Variants in PICALM observed in about 807,000 individuals in gnomAD.
PICALM encodes phosphatidylinositol-binding clathrin assembly protein.
Under a neutral mutation model 80.5 loss-of-function variants are expected in PICALM, and 40 were observed. The ratio of observed to expected loss-of-function variants is 0.50; its 90% confidence interval spans 0.39 to 0.65. The LOEUF is 0.65. Ranked by LOEUF, PICALM falls within the 30% of genes least tolerant of loss-of-function variation. The pLI, the probability that PICALM is intolerant of heterozygous loss-of-function variation, is 0.00. For synonymous variants in PICALM, 288 were observed against 260.3 expected (o/e 1.11, Z -1.02); for missense variants, 676 against 778.9 (o/e 0.87, Z 1.57).
chr11:86,027,795 A>G (rs960535171), intron 2 of PICALM, among the ~76,000 whole-genome samples: 2 of 152,194 alleles, frequency 1.3e-5, no homozygotes, highest in African/African-American at 4.8e-5. Context: ...TCTCAGGATT[A>G]TAGGTATGAG....
intron 11 of PICALM, among the ~76,000 whole-genome samples, chr11:85,998,897 A>C (rs1382552278): frequency 6.6e-6 from 1 of 152,112 alleles, no homozygotes; most frequent in Non-Finnish European, 1.5e-5. Context: ...TAGCTGGGAC[A>C]ACAGGCACAC....
chr11:86,042,674 A>AT lies in PICALM; in HGVS notation c.131-11064_131-11063insA, dbSNP rs1555129589. 3.0e-3 allele frequency among the ~76,000 whole-genome samples: 455 copies of AT among 151,722 alleles called. 4 individuals are homozygous for AT. The highest frequency in any genetic ancestry group is 0.011 in the South Asian group (51 of 4,796). On this transcript the variant is annotated intron_variant, in intron 1 of 19. Coordinates refer to ENST00000393346, the MANE Select transcript of PICALM (RefSeq NM_007166.4). ...ATCAGGACTCTCAAAAAAAAAAAAA[A>AT]ATCTAGTACTGGATCAGAAAAATAC...
At chr11:86,060,024 T>G (rs2096333674) in intron 1 of PICALM, among the ~76,000 whole-genome samples, 1 of 152,196 alleles carries the variant, frequency 6.6e-6, no homozygotes, top group Non-Finnish European at 1.5e-5. Flanking sequence ...TCCAATCTAT[T>G]TATGGACATA....
At chr11:86,059,902 A>C (rs1229638358) in intron 1 of PICALM, among the ~76,000 whole-genome samples, 1 of 152,164 alleles carries the variant, frequency 6.6e-6, no homozygotes, top group Non-Finnish European at 1.5e-5. Context: ...CAAATAATCA[A>C]GAGTTCCAAT....
intron 8 of PICALM, among the ~76,000 whole-genome samples, chr11:86,006,973 G>A (rs2095291357): frequency 1.3e-5 from 2 of 152,064 alleles, no homozygotes; most frequent in Admixed American, 1.3e-4. Context: ...GGTAGGTACT[G>A]TTGTATCTTC....
At chr11:85,996,500 G>A (rs558023614) in intron 12 of PICALM, among the ~76,000 whole-genome samples, 7 of 150,868 alleles carry the variant, frequency 4.6e-5, no homozygotes, top group Non-Finnish European at 8.9e-5. Flanking sequence ...CACCAAAATC[G>A]AAATAACCAC....
At chr11:85,992,718 C>T (rs963648462) in intron 12 of PICALM, among the ~76,000 whole-genome samples, 1 of 152,106 alleles carries the variant, frequency 6.6e-6, no homozygotes, top group African/African-American at 2.4e-5. Context: ...TTTTTAAAGA[C>T]ACATTATTTC....
intron 1 of PICALM, among the ~76,000 whole-genome samples, chr11:86,042,303 T>G (rs2095986496): frequency 7.4e-6 from 1 of 134,384 alleles, no homozygotes; most frequent in Admixed American, 7.1e-5. Context: ...TCTCAAAGAT[T>G]TATTACTTCT....
chr11:86,036,972 G>A (rs914227393), intron 1 of PICALM, among the ~76,000 whole-genome samples: 66 of 101,922 alleles, frequency 6.5e-4, no homozygotes, highest in Non-Finnish European at 1.0e-3. Context: ...TTTTGAGATG[G>A]AGTCTTGCTC....
rs1020210929 is a variant in PICALM, at chr11:85,965,158, G to A, written c.1945-6098C>T. The stretch of plus-strand genomic sequence containing the variant: ...AGGTATTTAGGTTCTCATCAAGGGA[G>A]TGGGTTCGCCCCCTTTTGTTCTCTC... On this transcript the variant is annotated intron_variant, in intron 19 of 19. Coordinates refer to ENST00000393346, the MANE Select transcript of PICALM (RefSeq NM_007166.4). Among the ~76,000 whole-genome samples the A allele has an allele frequency of 2.0e-4, 31 of 152,290 alleles. 1 individual carries two copies. The highest frequency in any genetic ancestry group is 5.2e-4 in the Admixed American group (8 of 15,302).
At chr11:86,039,947 T>A (rs2095923647) in intron 1 of PICALM, among the ~76,000 whole-genome samples, 1 of 137,496 alleles carries the variant, frequency 7.3e-6, no homozygotes, top group Admixed American at 8.5e-5. Flanking sequence ...GAGCTTGCAG[T>A]GAGCCGAGAT....
intron 1 of PICALM, among the ~76,000 whole-genome samples, chr11:86,038,495 A>C (rs1374020691): frequency 1.3e-5 from 2 of 151,900 alleles, no homozygotes; most frequent in Admixed American, 6.6e-5. Flanking sequence ...AGTAAGTCAA[A>C]GTCCTGGCCG....
chr11:86,021,155 C>T (rs551832991), intron 4 of PICALM, among the ~76,000 whole-genome samples: 176 of 152,120 alleles, frequency 1.2e-3, no homozygotes, highest in African/African-American at 4.0e-3. Context: ...CAAGACCAGC[C>T]TTGGCAACAT....
chr11:86,067,254 C>A (rs757532218), intron 1 of PICALM, among the ~76,000 whole-genome samples: 17 of 152,192 alleles, frequency 1.1e-4, no homozygotes, highest in Admixed American at 2.0e-4. Context: ...AATTATCTTT[C>A]AGGGCATGCT....
intron 13 of PICALM, among the ~76,000 whole-genome samples, chr11:85,989,151 G>A (rs2094682846): frequency 6.6e-6 from 1 of 152,096 alleles, no homozygotes; most frequent in East Asian, 1.9e-4. Flanking sequence ...TGATTTTTCT[G>A]GATTGTTCTT....
rs531461791 is a variant in PICALM, at chr11:85,957,825, C to T, written c.*1221G>A. The T allele has an allele frequency of 2.3e-3, 504 of 222,870 alleles. No homozygotes were observed. The highest frequency in any genetic ancestry group is 0.016 in the Middle Eastern group (12 of 730). The allele number at this position is 222,870 out of a possible 1,614,324, so 13.8% of individuals were successfully genotyped here. A position where few individuals can be genotyped will look rare whatever the true frequency, so the allele number is the denominator to read the frequency against. On this transcript the variant is annotated 3_prime_UTR_variant, in exon 20 of 20. Coordinates refer to ENST00000393346, the MANE Select transcript of PICALM (RefSeq NM_007166.4). ...TACAGAATTGCTTTCCTACAATGAA[C>T]TGTCCTTCTTAAGGCCCCTCTCCAC...
At chr11:86,068,597 G>GCGCGCGGGT (rs2137959602) in intron 1 of PICALM, 54 bp downstream of exon 1, 11 of 1,546,958 alleles carry the variant, frequency 7.1e-6, no homozygotes, top group South Asian at 1.2e-5. Context: ...AGAGAAGGAC[G>GCGCGCGGGT]CGCGCGGGTC....
At chr11:86,039,724 G>T (rs2095915223) in intron 1 of PICALM, among the ~76,000 whole-genome samples, 1 of 151,974 alleles carries the variant, frequency 6.6e-6, no homozygotes, top group African/African-American at 2.4e-5. Context: ...AATTGTGTTG[G>T]GTGTCTTCAG....
intron 1 of PICALM, among the ~76,000 whole-genome samples, chr11:86,068,210 C>CGA (rs2096473608): frequency 1.3e-5 from 2 of 152,052 alleles, no homozygotes; most frequent in African/African-American, 4.8e-5. Flanking sequence ...AGGAACCAGG[C>CGA]GTTTACTGAA....
Sources: gnomAD v4.1 joint callset for allele counts (sites outside exome capture counted in the v4.1 genomes callset) on GRCh38, gnomAD v4.1.1 for gene constraint, MANE v1.5 for transcripts, NCBI Gene and HGNC (gene_info 2026-07-23, HGNC 2026-07-21) for gene names.